Variants in CTNNA3 observed in about 807,000 individuals in gnomAD.
The protein encoded by CTNNA3 is catenin alpha 3, also known as catenin alpha-3.
In CTNNA3, 76 loss-of-function variants were observed where a neutral mutation model predicts 95.7. The ratio of observed to expected loss-of-function variants is 0.79; its 90% CI spans 0.66 to 0.96. The LOEUF (loss-of-function observed/expected upper bound fraction) is 0.96, where lower values mean the gene tolerates loss of function less well. CTNNA3 is among the 40% of genes least tolerant of loss of function. The pLI is 0.00. For missense variants in CTNNA3, 1,191 were observed against 1,089.8 expected, an observed-to-expected ratio of 1.09 and a Z score of -1.31; for synonymous variants, 431 against 374.4, an observed-to-expected ratio of 1.15 and a Z score of -1.74.
intron 10 of CTNNA3, among the ~76,000 whole-genome samples, chr10:66,575,721 A>C (rs1406473102): frequency 6.6e-6 from 1 of 152,132 alleles, no homozygotes; most frequent in Non-Finnish European, 1.5e-5. Context: ...TCTTCATAAT[A>C]ACTCTGAGTT....
At chr10:65,970,453 AC>A (rs2078071016) in intron 16 of CTNNA3, among the ~76,000 whole-genome samples, 2 of 151,830 alleles carry the variant, frequency 1.3e-5, no homozygotes, top group South Asian at 4.2e-4. Context: ...AATAGCCTAA[AC>A]CCCCCACTTA....
chr10:67,751,594 G>C (rs943965267), intron 1 of CTNNA3, among the ~76,000 whole-genome samples: 16 of 151,910 alleles, frequency 1.1e-4, no homozygotes, highest in African/African-American at 3.9e-4. Context: ...AGAAGACAGA[G>C]AAGAATCAAA....
chr10:66,529,832 G>A (rs913661392), intron 10 of CTNNA3, among the ~76,000 whole-genome samples: 4 of 152,112 alleles, frequency 2.6e-5, no homozygotes, highest in African/African-American at 9.7e-5. Context: ...TGGAAGCCAA[G>A]AGGCTCAAGT....
intron 13 of CTNNA3, among the ~76,000 whole-genome samples, chr10:66,222,456 T>G (rs945458640): frequency 2.6e-5 from 4 of 152,120 alleles, no homozygotes; most frequent in Non-Finnish European, 5.9e-5. Flanking sequence ...ATTTTCTTTT[T>G]CACTCATGTG....
At chr10:67,163,504 A>G (rs1190913027) in intron 7 of CTNNA3, among the ~76,000 whole-genome samples, 1 of 152,056 alleles carries the variant, frequency 6.6e-6, no homozygotes, top group Non-Finnish European at 1.5e-5. Flanking sequence ...AAAGAGATCT[A>G]AAGCTAACAT....
chr10:67,345,326 T>C (rs1842369280), intron 5 of CTNNA3, among the ~76,000 whole-genome samples: 1 of 152,116 alleles, frequency 6.6e-6, no homozygotes, highest in South Asian at 2.1e-4. Context: ...GATGACATGT[T>C]CTGTAAATAT....
At chr10:67,279,215 C>T (rs1839300677) in intron 5 of CTNNA3, among the ~76,000 whole-genome samples, 1 of 152,228 alleles carries the variant, frequency 6.6e-6, no homozygotes, top group South Asian at 2.1e-4. Context: ...ACTAAGGACA[C>T]ATAACAATTA....
chr10:67,325,385 C>T (rs1473886057), intron 5 of CTNNA3, among the ~76,000 whole-genome samples: 2 of 152,046 alleles, frequency 1.3e-5, no homozygotes, highest in Admixed American at 1.3e-4. Flanking sequence ...TATAAATTTC[C>T]CTTTTAACAC....
At chr10:67,021,444 T>G (rs1326683874) in intron 7 of CTNNA3, among the ~76,000 whole-genome samples, 1 of 152,078 alleles carries the variant, frequency 6.6e-6, no homozygotes, top group East Asian at 1.9e-4. Flanking sequence ...AATATAAAAT[T>G]TTAAATACCG....
At chr10:67,728,464 TA>T (rs1384944841) in intron 1 of CTNNA3, among the ~76,000 whole-genome samples, 1 of 150,752 alleles carries the variant, frequency 6.6e-6, no homozygotes, top group Non-Finnish European at 1.5e-5. Flanking sequence ...GAGATATACA[TA>T]TTTTTTCTTT....
At chr10:67,267,337 T>C (rs771510845) in intron 5 of CTNNA3, among the ~76,000 whole-genome samples, 8 of 152,202 alleles carry the variant, frequency 5.3e-5, no homozygotes, top group Admixed American at 1.3e-4. Flanking sequence ...TGTGTGCATG[T>C]AAAAGCGATA....
chr10:66,935,503 A>G (rs2132657782), intron 7 of CTNNA3, among the ~76,000 whole-genome samples: 1 of 152,162 alleles, frequency 6.6e-6, no homozygotes, highest in African/African-American at 2.4e-5. Flanking sequence ...TGGCACCAAT[A>G]GAGGGTTAGG....
chr10:67,410,373 G>A (rs1845317488), intron 5 of CTNNA3, among the ~76,000 whole-genome samples: 1 of 152,070 alleles, frequency 6.6e-6, no homozygotes, highest in Non-Finnish European at 1.5e-5. Flanking sequence ...GTGAGAGGAG[G>A]GAGAGGATGA....
At chr10:66,910,306 G>A (rs1006930358) in intron 7 of CTNNA3, among the ~76,000 whole-genome samples, 3 of 152,158 alleles carry the variant, frequency 2.0e-5, no homozygotes, top group African/African-American at 7.2e-5. Context: ...GTAGATTTAA[G>A]CCAGATGGTA....
chr10:66,533,181 A>G (rs1265802880), intron 10 of CTNNA3, among the ~76,000 whole-genome samples: 1 of 152,074 alleles, frequency 6.6e-6, no homozygotes, highest in East Asian at 1.9e-4. Context: ...CTCTAGCATT[A>G]TTTCCTATCA....
chr10:67,723,149 G>T (rs1266443623), intron 1 of CTNNA3, among the ~76,000 whole-genome samples: 4 of 152,042 alleles, frequency 2.6e-5, no homozygotes, highest in East Asian at 1.9e-4. Context: ...ACCACACCTG[G>T]CTAATTTTTG....
Position 67,180,456 on chromosome 10 carries a change from C to T in CTNNA3, c.908G>A (p.Arg303His), listed in dbSNP as rs780671006. Residue 303 changes from arginine (R) to histidine (H), a missense_variant, in exon 7 of 18, where the codon CGC (arginine) becomes CAC (histidine). Physicochemically the swap from Arg to His is conservative, Grantham distance 29. Coordinates refer to ENST00000433211, the MANE Select transcript of CTNNA3 (RefSeq NM_013266.4). ...EEEIRPSLEK[R>H]LEAIISGAAL... The stretch of plus-strand genomic sequence containing the variant: ...AGCCCCACTGATAATGGCTTCAAGG[C>T]GTTTCTCTAGTGATGGTCGTATTTC... 12 of 1,613,728 alleles carry T rather than the reference C, an allele frequency of 7.4e-6. No individual in the cohort carries two copies. The East Asian group carries it at 8.9e-5, about 12-fold the overall frequency.
intron 9 of CTNNA3, among the ~76,000 whole-genome samples, chr10:66,710,429 G>A (rs1848253274): frequency 6.6e-6 from 1 of 151,918 alleles, no homozygotes; most frequent in East Asian, 1.9e-4. Flanking sequence ...AGAACATTTG[G>A]TTTCTCAACT....
chr10:66,961,752 G>A (rs1414070686), intron 7 of CTNNA3, among the ~76,000 whole-genome samples: 1 of 151,916 alleles, frequency 6.6e-6, no homozygotes, highest in African/African-American at 2.4e-5. Context: ...TACTCCTTGA[G>A]GACATTTCAA....
Sources: gnomAD v4.1 joint callset for allele counts (sites outside exome capture counted in the v4.1 genomes callset) on GRCh38, gnomAD v4.1.1 for gene constraint, MANE v1.5 for transcripts, NCBI Gene and HGNC (gene_info 2026-07-23, HGNC 2026-07-21) for gene names.